The following MITF variants were observed in gnomAD, a reference collection of about 807,000 sequenced individuals.
MITF encodes melanocyte inducing transcription factor.
A neutral mutation model predicts 60.5 loss-of-function variants in MITF; 17 were observed. That is an observed-to-expected ratio of 0.28 (90% CI 0.19 to 0.42). The LOEUF (loss-of-function observed/expected upper bound fraction) is 0.42. Among genes scored for constraint, MITF ranks in the 10% least tolerant of loss-of-function variants. MITF has a pLI of 1.00. For missense variants in MITF, 622 were observed against 683.5 expected (o/e 0.91, Z 1.00); for synonymous variants, 260 against 248.5 (o/e 1.05, Z -0.43).
chr3:69,801,809 T>C (rs1279940525), intron 1 of MITF, among the ~76,000 whole-genome samples: 1 of 152,126 alleles, frequency 6.6e-6, no homozygotes, highest in East Asian at 1.9e-4. Context: ...GCTCAGGGCC[T>C]TGGAGTCAGA....
chr3:69,894,697 G>A (rs1173956519), intron 2 of MITF, among the ~76,000 whole-genome samples: 1 of 150,514 alleles, frequency 6.6e-6, no homozygotes, highest in Admixed American at 6.6e-5. Flanking sequence ...AAAGACTACT[G>A]TGCTATCCTA....
chr3:69,951,508 A>T (rs2066253446), intron 6 of MITF, among the ~76,000 whole-genome samples: 1 of 152,116 alleles, frequency 6.6e-6, no homozygotes, highest in African/African-American at 2.4e-5. Flanking sequence ...ATAGTTTTCT[A>T]ATTATCGATT....
Position 69,941,343 on chromosome 3 carries a change from C to CT in MITF, c.762+19dup, listed in dbSNP as rs1345053853. The CT allele has an allele frequency of 3.2e-6, 5 of 1,570,450 alleles. No homozygotes were observed. In the Admixed American group the frequency reaches 5.0e-5, roughly 16 times the overall value. ...AAATGGCAAATACGGTATTGATAAC[C>CT]TTTTTTTAAGTAGAAAATCTTGAGG... On this transcript the variant is annotated intron_variant, in intron 5 of 9. Transcript: ENST00000352241.
chr3:69,773,110 T>C (rs972111862), intron 1 of MITF, among the ~76,000 whole-genome samples: 11 of 151,868 alleles, frequency 7.2e-5, no homozygotes, highest in African/African-American at 2.4e-4. Context: ...CCAAAGAAGA[T>C]GAGGGAGTCA....
intron 1 of MITF, among the ~76,000 whole-genome samples, chr3:69,746,152 G>A (rs749103511): frequency 1.2e-4 from 18 of 152,302 alleles, no homozygotes; most frequent in Non-Finnish European, 2.4e-4. Flanking sequence ...GGTTTCGTTT[G>A]TTATTGGAGA....
chr3:69,836,696 C>G (rs956728663), intron 1 of MITF, among the ~76,000 whole-genome samples: 4 of 152,314 alleles, frequency 2.6e-5, no homozygotes, highest in Non-Finnish European at 5.9e-5. Flanking sequence ...AATTTTGAAA[C>G]TGCTCTTTTC....
In MITF at chr3:69,965,511, C is replaced by T. The variant is rs1397610229; in HGVS notation, c.*263C>T. 4 of 336,538 alleles carry T rather than the reference C, an allele frequency of 1.2e-5. No homozygotes were observed. The Admixed American group carries it at 1.7e-4, about 15-fold the overall frequency. The allele number at this position is 336,538 out of a possible 1,614,324, so 20.8% of individuals were successfully genotyped here. ...GAACTGAATTCACCACAGACTTTAG[C>T]TTTCTGAGCAAGAGGATTTTGCGTC... On this transcript the variant is annotated 3_prime_UTR_variant, in exon 10 of 10. Transcript: ENST00000352241.
intron 2 of MITF, among the ~76,000 whole-genome samples, chr3:69,921,132 A>G (rs2065458350): frequency 6.6e-6 from 1 of 152,228 alleles, no homozygotes; most frequent in Non-Finnish European, 1.5e-5. Flanking sequence ...TCGGCCTCCC[A>G]AAGTGCTGGG....
intron 1 of MITF, among the ~76,000 whole-genome samples, chr3:69,845,528 G>A (rs1288280649): frequency 6.7e-6 from 1 of 149,206 alleles, no homozygotes; most frequent in Admixed American, 6.7e-5. Context: ...CCTAAAGTTG[G>A]TTGACTCTCT....
chr3:69,850,803 C>T (rs1328729637), intron 1 of MITF, among the ~76,000 whole-genome samples: 1 of 152,080 alleles, frequency 6.6e-6, no homozygotes, highest in Non-Finnish European at 1.5e-5. Flanking sequence ...ATAGTCTGCC[C>T]CTGAGGATTT....
intron 1 of MITF, among the ~76,000 whole-genome samples, chr3:69,807,863 A>T (rs1213966279): frequency 6.6e-6 from 1 of 152,072 alleles, no homozygotes; most frequent in Non-Finnish European, 1.5e-5. Flanking sequence ...AATGCCAGAG[A>T]CTGTTAAGAG....
At position 69,888,248 on chromosome 3, in the gene MITF, A is replaced by G. The variant is rs17006583; in HGVS notation, c.354+8865A>G. On this transcript the variant is annotated intron_variant, in intron 2 of 9. Coordinates refer to ENST00000352241, the MANE Select transcript of MITF (RefSeq NM_001354604.2). ...CAGAGACATTCCTGCCAGTTAGGAA[A>G]GGCTTAAGAAATTCTTATTGGCTAA... is the stretch of plus-strand genomic sequence containing the variant. Among the ~76,000 whole-genome samples, 71 of 152,180 alleles carry G rather than the reference A, an allele frequency of 4.7e-4. 1 individual carries two copies. In the East Asian group the frequency reaches 0.012, roughly 25 times the overall value.
intron 2 of MITF, among the ~76,000 whole-genome samples, chr3:69,881,171 A>G (rs2064478505): frequency 6.6e-6 from 1 of 152,110 alleles, no homozygotes; most frequent in Non-Finnish European, 1.5e-5. Flanking sequence ...GGATTGAGCT[A>G]CAACCCCTAA....
At chr3:69,937,718 T>C (rs1230705543) in intron 2 of MITF, 104 bp from the exon 3 acceptor site, 2 of 917,016 alleles carry the variant, frequency 2.2e-6, no homozygotes, top group African/African-American at 1.6e-5. Context: ...AATAATTTAT[T>C]CTGTTGGTGG....
intron 2 of MITF, among the ~76,000 whole-genome samples, chr3:69,893,900 G>T (rs745669166): frequency 1.3e-5 from 2 of 152,074 alleles, no homozygotes; most frequent in Admixed American, 6.5e-5. Flanking sequence ...CTTATATGTT[G>T]TTTTTAATGA....
At chr3:69,865,804 A>T (rs752992834) in intron 1 of MITF, among the ~76,000 whole-genome samples, 5 of 152,180 alleles carry the variant, frequency 3.3e-5, no homozygotes, top group Non-Finnish European at 5.9e-5. Flanking sequence ...TTGTGTGATG[A>T]GTTGATGCCC....
intron 1 of MITF, among the ~76,000 whole-genome samples, chr3:69,864,712 G>C (rs2064080017): frequency 6.6e-6 from 1 of 151,236 alleles, no homozygotes; most frequent in South Asian, 2.1e-4. Context: ...GATCCTTCAT[G>C]GTCTGGTCCT....
intron 1 of MITF, among the ~76,000 whole-genome samples, chr3:69,875,040 T>C (rs1210994598): frequency 1.3e-5 from 2 of 152,182 alleles, no homozygotes; most frequent in African/African-American, 4.8e-5. Context: ...CTGAACACTT[T>C]AATTTAGTGA....
chr3:69,828,877 A>T (rs4579020), intron 1 of MITF, among the ~76,000 whole-genome samples: 1 of 151,476 alleles, frequency 6.6e-6, no homozygotes, highest in Non-Finnish European at 1.5e-5. Flanking sequence ...GCAGAGCTTT[A>T]TTTTTTTTCA....
Sources: allele counts gnomAD v4.1 joint callset (sites outside exome capture counted in the v4.1 genomes callset), GRCh38; gene constraint gnomAD v4.1.1; transcripts MANE v1.5; gene names NCBI Gene and HGNC (gene_info 2026-07-23, HGNC 2026-07-21).